Variants in DLG2 observed in about 807,000 individuals in gnomAD.
DLG2 encodes the protein disks large homolog 2.
DLG2 carries 45 observed loss-of-function variants against 132.5 expected under a neutral mutation model. The ratio of observed to expected loss-of-function variants is 0.34; its 90% confidence interval spans 0.27 to 0.44. The LOEUF is 0.44. Ranked by LOEUF, DLG2 falls within the 20% of genes least tolerant of loss-of-function variation. DLG2 has a pLI of 1.00. For missense variants in DLG2, 1,045 were observed against 1,196.9 expected, an observed-to-expected ratio of 0.87 and a Z score of 1.87; for synonymous variants, 424 against 419.6, an observed-to-expected ratio of 1.01 and a Z score of -0.13.
At chr11:84,383,162 C>T (rs1307054732) in intron 7 of DLG2, among the ~76,000 whole-genome samples, 1 of 152,016 alleles carries the variant, frequency 6.6e-6, no homozygotes, top group Non-Finnish European at 1.5e-5. Context: ...AATACTCTTT[C>T]ACTTGTCTAC....
At chr11:85,062,222 A>T (rs1265916447) in intron 6 of DLG2, among the ~76,000 whole-genome samples, 1 of 151,888 alleles carries the variant, frequency 6.6e-6, no homozygotes, top group Non-Finnish European at 1.5e-5. Flanking sequence ...TATGCTATGA[A>T]GAAAAGTACA....
rs184202733 is a variant in DLG2 at position 83,747,825 on chromosome 11, C to T, written c.1825+38865G>A. 1.4e-3 allele frequency among the ~76,000 whole-genome samples: 211 copies of T among 152,002 alleles called. 1 individual carries two copies. The highest frequency in any genetic ancestry group is 4.9e-3 in the African/African-American group (204 of 41,472). ...AATATAAACAAAAATTCTAAGCCAA[C>T]CTGAGTTTACTCAAGGATTCTTTTC... On this transcript the variant is annotated intron_variant, in intron 18 of 27. Transcript: ENST00000376104.
intron 8 of DLG2, among the ~76,000 whole-genome samples, chr11:84,213,514 T>C (rs1341529474): frequency 6.6e-6 from 1 of 152,012 alleles, no homozygotes; most frequent in Admixed American, 6.6e-5. Context: ...ACTTAAGACC[T>C]ACTAAATTAG....
At chr11:84,994,226 C>A (rs1019406546) in intron 6 of DLG2, among the ~76,000 whole-genome samples, 6 of 152,170 alleles carry the variant, frequency 3.9e-5, no homozygotes, top group Non-Finnish European at 8.8e-5. Flanking sequence ...CAGTCTCTCT[C>A]TCCAGCTCTA....
chr11:84,279,489 C>A (rs556343177), intron 7 of DLG2, among the ~76,000 whole-genome samples: 2 of 152,182 alleles, frequency 1.3e-5, no homozygotes, highest in Admixed American at 1.3e-4. Context: ...AGTCATTCTA[C>A]TATAAGGACA....
At chr11:85,265,627 C>T (rs1426105028) in intron 4 of DLG2, among the ~76,000 whole-genome samples, 2 of 152,208 alleles carry the variant, frequency 1.3e-5, no homozygotes, top group Admixed American at 6.5e-5. Flanking sequence ...AACTTCTATT[C>T]CTGTTTGCCT....
chr11:85,580,548 G>A (rs2078443770), intron 3 of DLG2, among the ~76,000 whole-genome samples: 2 of 152,250 alleles, frequency 1.3e-5, no homozygotes, highest in East Asian at 1.9e-4. Context: ...TAGGCACAGT[G>A]AGAAATGCAA....
intron 3 of DLG2, among the ~76,000 whole-genome samples, chr11:85,482,721 G>A (rs1389609233): frequency 6.6e-6 from 1 of 151,972 alleles, no homozygotes; most frequent in African/African-American, 2.4e-5. Flanking sequence ...CACAGACCCA[G>A]GCTCCACATG....
intron 4 of DLG2, among the ~76,000 whole-genome samples, chr11:85,163,206 TAC>T (rs776985320): frequency 4.1e-4 from 61 of 148,124 alleles, no homozygotes; most frequent in East Asian, 2.0e-3. Context: ...TTATATATAT[TAC>T]ACACACACAC....
chr11:83,699,717 A>AAG (rs2082549406), intron 18 of DLG2, among the ~76,000 whole-genome samples: 2 of 140,674 alleles, frequency 1.4e-5, no homozygotes, highest in East Asian at 3.9e-4. Flanking sequence ...CTAAAAAAAA[A>AAG]CATAATAATA....
At chr11:84,234,989 A>G (rs2097140537) in intron 8 of DLG2, among the ~76,000 whole-genome samples, 1 of 152,220 alleles carries the variant, frequency 6.6e-6, no homozygotes, top group Admixed American at 6.5e-5. Context: ...ACAATCTATT[A>G]TTCGCTGTGA....
intron 6 of DLG2, among the ~76,000 whole-genome samples, chr11:85,026,740 G>A (rs977942133): frequency 1.3e-5 from 2 of 152,032 alleles, no homozygotes; most frequent in Non-Finnish European, 2.9e-5. Flanking sequence ...AGGAGGCTGA[G>A]GCAGAAGAAT....
At chr11:85,270,322 T>C (rs955793393) in intron 4 of DLG2, among the ~76,000 whole-genome samples, 2 of 152,196 alleles carry the variant, frequency 1.3e-5, no homozygotes, top group African/African-American at 4.8e-5. Context: ...TCTGCCGCCA[T>C]GTGAGACATG....
At chr11:84,300,712 G>T (rs961567303) in intron 7 of DLG2, among the ~76,000 whole-genome samples, 4 of 152,084 alleles carry the variant, frequency 2.6e-5, no homozygotes, top group Non-Finnish European at 5.9e-5. Flanking sequence ...CATAGGAAAG[G>T]TACTCATTTT....
chr11:85,534,064 T>A (rs2075402060), intron 3 of DLG2, among the ~76,000 whole-genome samples: 1 of 152,158 alleles, frequency 6.6e-6, no homozygotes, highest in Non-Finnish European at 1.5e-5. Flanking sequence ...CCCAGCTCAC[T>A]GCAGTCCCCA....
At chr11:84,871,197 T>C (rs181339508) in intron 6 of DLG2, among the ~76,000 whole-genome samples, 1 of 152,310 alleles carries the variant, frequency 6.6e-6, no homozygotes, top group African/African-American at 2.4e-5. Context: ...GAATTTACAG[T>C]GGAACTTCTG....
chr11:83,938,285 G>C (rs775267455), intron 14 of DLG2, among the ~76,000 whole-genome samples: 46 of 152,328 alleles, frequency 3.0e-4, no homozygotes, highest in Middle Eastern at 3.4e-3. Context: ...TTCAGAGAGA[G>C]ACTGAGCTAA....
At chr11:84,556,319 C>T (rs1395274343) in intron 6 of DLG2, among the ~76,000 whole-genome samples, 1 of 152,092 alleles carries the variant, frequency 6.6e-6, no homozygotes, top group Non-Finnish European at 1.5e-5. Flanking sequence ...AATGCACCCC[C>T]AGTTATTTTT....
chr11:83,880,122 G>A (rs2065803023), intron 15 of DLG2, among the ~76,000 whole-genome samples: 1 of 152,152 alleles, frequency 6.6e-6, no homozygotes, highest in Non-Finnish European at 1.5e-5. Flanking sequence ...CTGTGGATGG[G>A]CAATGAGGGA....
Sources: allele counts gnomAD v4.1 joint callset (sites outside exome capture counted in the v4.1 genomes callset), GRCh38; gene constraint gnomAD v4.1.1; transcripts MANE v1.5; gene names NCBI Gene and HGNC (gene_info 2026-07-23, HGNC 2026-07-21).